The following CDH18 variants were observed in gnomAD, a reference collection of about 807,000 sequenced individuals.
CDH18 encodes the protein cadherin-18.
In CDH18, 31 loss-of-function variants were observed where a neutral mutation model predicts 67.9. The ratio of observed to expected loss-of-function variants is 0.46; its 90% confidence interval spans 0.34 to 0.62. The LOEUF is 0.62. Ranked by LOEUF, CDH18 falls within the 20% of genes least tolerant of loss-of-function variation. CDH18 has a pLI of 0.01. For synonymous variants in CDH18, 362 were observed against 347.2 expected, an observed-to-expected ratio of 1.04 and a Z score of -0.48; for missense variants, 890 against 975.5, an observed-to-expected ratio of 0.91 and a Z score of 1.17.
At chr5:19,844,177 G>T (rs1054586701) in intron 2 of CDH18, among the ~76,000 whole-genome samples, 36 of 152,108 alleles carry the variant, frequency 2.4e-4, no homozygotes, top group African/African-American at 8.0e-4. Flanking sequence ...ATGTGAAAAA[G>T]ACAAGATTTG....
rs533778557 is a variant in CDH18, at chr5:19,925,905, G to C, written c.-257+55155C>G. 2.0e-5 allele frequency among the ~76,000 whole-genome samples: 3 copies of C among 152,174 alleles called. No homozygotes were observed. In the East Asian group the frequency reaches 5.8e-4, roughly 29 times the overall value. On this transcript the variant is annotated intron_variant, in intron 2 of 12. Transcript: ENST00000382275. ...ATCTTTACATTTGTTGATTCAACTGGGAATGGCACCAGGTATGGTCTATGT... is the reference window on the plus strand; with the variant it reads ...ATCTTTACATTTGTTGATTCAACTGCGAATGGCACCAGGTATGGTCTATGT...
intron 1 of CDH18, among the ~76,000 whole-genome samples, chr5:20,261,736 A>C (rs1744672632): frequency 6.6e-6 from 1 of 152,190 alleles, no homozygotes; most frequent in South Asian, 2.1e-4. Flanking sequence ...GTTTAAAAAA[A>C]AAAAATGATA....
chr5:19,802,053 TA>T (rs928635204), intron 3 of CDH18, among the ~76,000 whole-genome samples: 17 of 151,898 alleles, frequency 1.1e-4, no homozygotes, highest in Admixed American at 1.3e-4. Context: ...CATTAAAAAG[TA>T]AAAAAAATTA....
In CDH18 at chr5:19,766,025, GC is replaced by G. The variant is rs1390905410; in HGVS notation, c.229-18790del. 8.6e-5 allele frequency among the ~76,000 whole-genome samples: 13 copies of G among 151,962 alleles called. No individual in the cohort carries two copies. The East Asian group carries it at 2.5e-3, about 29-fold the overall frequency. On this transcript the variant is annotated intron_variant, in intron 3 of 12. Coordinates refer to ENST00000382275, the MANE Select transcript of CDH18 (RefSeq NM_004934.5). The stretch of plus-strand genomic sequence containing the variant: ...CTCCCGAGTAGCTGGGATTACAGGT[GC>G]CCACCACCACACCCGGCTATTTTTG...
intron 2 of CDH18, among the ~76,000 whole-genome samples, chr5:20,186,712 A>G (rs995820422): frequency 1.3e-5 from 2 of 151,546 alleles, no homozygotes; most frequent in Non-Finnish European, 1.5e-5. Context: ...TGAAGTATTA[A>G]TGATGTAGTC....
At chr5:19,990,024 C>T (rs1799892020), upstream of CDH18, among the ~76,000 whole-genome samples, 1 of 152,246 alleles carries the variant, frequency 6.6e-6, no homozygotes, top group East Asian at 1.9e-4. Flanking sequence ...TATGCAGCTA[C>T]TGTTTTAAAT....
chr5:19,553,245 C>T (rs1737782351), intron 8 of CDH18, among the ~76,000 whole-genome samples: 1 of 152,054 alleles, frequency 6.6e-6, no homozygotes, highest in Non-Finnish European at 1.5e-5. Context: ...AACAGCTCTT[C>T]AGTCCTCAGT....
At chr5:19,868,118 C>A (rs937759730) in intron 2 of CDH18, among the ~76,000 whole-genome samples, 3 of 152,196 alleles carry the variant, frequency 2.0e-5, no homozygotes, top group African/African-American at 7.2e-5. Flanking sequence ...CTCAGCAGTT[C>A]TTTACACCAG....
intron 3 of CDH18, among the ~76,000 whole-genome samples, chr5:19,814,874 A>G (rs1779122313): frequency 7.9e-6 from 1 of 127,098 alleles, no homozygotes; most frequent in Admixed American, 8.2e-5. Flanking sequence ...ACACACACAC[A>G]CATGGACACA....
chr5:19,795,719 A>T (rs914286217), intron 3 of CDH18, among the ~76,000 whole-genome samples: 1 of 152,148 alleles, frequency 6.6e-6, no homozygotes, highest in African/African-American at 2.4e-5. Context: ...AACGGAGAAA[A>T]TTGTAACTTA....
chr5:19,548,151 A>G (rs2029689), intron 8 of CDH18, among the ~76,000 whole-genome samples: 84,505 of 151,874 alleles, frequency 0.56, 24,864 homozygotes, highest in Middle Eastern at 0.7. Context: ...TACTTTATGA[A>G]TGTATATATC....
At chr5:19,984,849 A>T (rs566375939) in intron 1 of CDH18, among the ~76,000 whole-genome samples, 1 of 152,262 alleles carries the variant, frequency 6.6e-6, no homozygotes, top group South Asian at 2.1e-4. Flanking sequence ...GCACTTGTCT[A>T]AAACTGTACC....
intron 1 of CDH18, among the ~76,000 whole-genome samples, chr5:19,982,000 C>A (rs1437006557): frequency 6.6e-5 from 10 of 152,268 alleles, no homozygotes; most frequent in Middle Eastern, 3.4e-3. Context: ...AAACAGATGG[C>A]AACCTCCATG....
intron 2 of CDH18, among the ~76,000 whole-genome samples, chr5:20,021,199 T>G (rs2150433518): frequency 6.6e-6 from 1 of 152,278 alleles, no homozygotes; most frequent in Non-Finnish European, 1.5e-5. Flanking sequence ...GTATCCTCAT[T>G]AAATCTTGCA....
chr5:19,916,767 C>T (rs888273296), intron 2 of CDH18, among the ~76,000 whole-genome samples: 9 of 152,088 alleles, frequency 5.9e-5, no homozygotes, highest in East Asian at 3.9e-4. Context: ...CTGTGAAGGG[C>T]GTTTAATTTT....
In CDH18 at chr5:20,390,452, C is replaced by G. The variant is rs539153631; in HGVS notation, c.-579-134947G>C. On this transcript the variant is annotated intron_variant, in intron 1 of 14. Transcript: ENST00000507958. ...AACACAATGAGACACCATCTCACAC[C>G]AGTTAGAATGGCGATCATTAAAAAG... Among the ~76,000 whole-genome samples, 538 of 152,268 alleles carry G rather than the reference C, an allele frequency of 3.5e-3. 1 individual carries two copies. Among genetic ancestry groups the G allele is most frequent in the Non-Finnish European group, 6.3e-3 (431 of 68,024 alleles).
intron 5 of CDH18, among the ~76,000 whole-genome samples, chr5:19,684,925 A>T (rs4543271): frequency 1.0e-3 from 155 of 152,044 alleles, no homozygotes; most frequent in African/African-American, 3.1e-3. Context: ...ATATGGCTGT[A>T]AAAATTTTCC....
intron 1 of CDH18, among the ~76,000 whole-genome samples, chr5:20,390,871 G>A (rs1348395862): frequency 6.6e-6 from 1 of 152,064 alleles, no homozygotes; most frequent in African/African-American, 2.4e-5. Flanking sequence ...ATCATTCTCA[G>A]CAAACTATCA....
At chr5:19,938,370 T>C (rs1390996494) in intron 2 of CDH18, among the ~76,000 whole-genome samples, 1 of 151,384 alleles carries the variant, frequency 6.6e-6, no homozygotes, top group East Asian at 1.9e-4. Flanking sequence ...TTTTTATTAT[T>C]ATTATGACTT....
Sources: gnomAD v4.1 joint callset for allele counts (sites outside exome capture counted in the v4.1 genomes callset) on GRCh38, gnomAD v4.1.1 for gene constraint, MANE v1.5 for transcripts, NCBI Gene and HGNC (gene_info 2026-07-23, HGNC 2026-07-21) for gene names.